EXOC4: variants seen among roughly 807,000 people sequenced by gnomAD.
The protein encoded by EXOC4 is SEC8-like 1.
In EXOC4, 71 loss-of-function variants were observed where a neutral mutation model predicts 107.2. The observed-to-expected ratio is 0.66, with a 90% CI of 0.55 to 0.81. EXOC4 has a LOEUF of 0.81. Ranked by LOEUF, EXOC4 falls within the 30% of genes least tolerant of loss-of-function variation. The pLI is 0.00. For synonymous variants in EXOC4, 456 were observed against 441.2 expected (o/e 1.03, Z -0.42); for missense variants, 1,108 against 1,189.6 (o/e 0.93, Z 1.01).
chr7:133,324,305 G>T (rs1478428012), intron 5 of EXOC4, among the ~76,000 whole-genome samples: 4 of 151,864 alleles, frequency 2.6e-5, no homozygotes, highest in Non-Finnish European at 5.9e-5. Flanking sequence ...GTGTTGTTAG[G>T]GTGTCAATTT....
At chr7:134,084,709 T>TAAAAAAAAAAA in the EXOC4 span, among the ~76,000 whole-genome samples, 3 of 83,182 alleles carry the variant, frequency 3.6e-5, no homozygotes, top group Admixed American at 1.3e-4. Context: ...GGTGCAGCCG[T>TAAAAAAAAAAA]AAAAAAAAAA....
chr7:133,729,445 T>C (rs1204331392), intron 10 of EXOC4, among the ~76,000 whole-genome samples: 1 of 152,112 alleles, frequency 6.6e-6, no homozygotes, highest in African/African-American at 2.4e-5. Context: ...GCAAACTGCT[T>C]TTTGAGGGCA....
At chr7:134,071,624 G>A in the EXOC4 span, among the ~76,000 whole-genome samples, 2 of 152,194 alleles carry the variant, frequency 1.3e-5, no homozygotes, top group African/African-American at 2.4e-5. Flanking sequence ...GTTCTTGGGT[G>A]TATGCCCTTC....
chr7:133,259,867 A>G (rs976557480), intron 1 of EXOC4, among the ~76,000 whole-genome samples: 1 of 152,144 alleles, frequency 6.6e-6, no homozygotes, highest in Non-Finnish European at 1.5e-5. Flanking sequence ...TTTTTGAGGT[A>G]TACATGTATA....
intron 9 of EXOC4, among the ~76,000 whole-genome samples, chr7:133,488,860 T>C (rs1380749875): frequency 6.6e-6 from 1 of 151,218 alleles, no homozygotes; most frequent in Non-Finnish European, 1.5e-5. Context: ...AAGGTAGTCA[T>C]ATAAGAAAAT....
At chr7:133,855,114 A>AAT (rs760294262) in intron 11 of EXOC4, among the ~76,000 whole-genome samples, 38 of 91,490 alleles carry the variant, frequency 4.2e-4, no homozygotes, top group South Asian at 6.0e-4. Context: ...AATATATATA[A>AAT]ATATATATAT....
At chr7:133,670,102 G>A (rs1026769542) in intron 10 of EXOC4, among the ~76,000 whole-genome samples, 2 of 152,146 alleles carry the variant, frequency 1.3e-5, no homozygotes, top group African/African-American at 2.4e-5. Flanking sequence ...CTGCTGTGGC[G>A]AGGGTGTTTC....
intron 7 of EXOC4, among the ~76,000 whole-genome samples, chr7:133,436,172 T>C (rs2150783311): frequency 6.6e-6 from 1 of 152,010 alleles, no homozygotes; most frequent in African/African-American, 2.4e-5. Flanking sequence ...CCATGCAAAC[T>C]AACGATATGA....
intron 4 of EXOC4, among the ~76,000 whole-genome samples, chr7:133,308,505 G>A (rs1394909500): frequency 6.6e-6 from 1 of 152,168 alleles, no homozygotes; most frequent in Non-Finnish European, 1.5e-5. Context: ...CCCACACCTT[G>A]ATCACAGACT....
At chr7:133,451,849 T>C (rs774439912) in intron 7 of EXOC4, among the ~76,000 whole-genome samples, 1 of 152,156 alleles carries the variant, frequency 6.6e-6, no homozygotes, top group African/African-American at 2.4e-5. Flanking sequence ...CTAATTGATA[T>C]GATGGAAAGA....
intron 5 of EXOC4, 103 bp from the exon 6 acceptor site, chr7:133,356,226 CT>C: frequency 8.7e-7 from 1 of 1,150,582 alleles, no homozygotes; most frequent in South Asian, 1.5e-5. Context: ...CTCTTTAATT[CT>C]TTAAGAGAGT....
intron 9 of EXOC4, among the ~76,000 whole-genome samples, chr7:133,500,457 T>C (rs2113565): frequency 0.85 from 129,672 of 152,266 alleles, 55,541 homozygotes; most frequent in East Asian, 0.95. Context: ...TCCGCAGTGT[T>C]GCATTCTTCA....
intron 10 of EXOC4, among the ~76,000 whole-genome samples, chr7:133,640,766 T>C (rs906591358): frequency 6.6e-6 from 1 of 152,248 alleles, no homozygotes; most frequent in African/African-American, 2.4e-5. Flanking sequence ...GCAATTAACA[T>C]GAGTTGCTAC....
chr7:133,379,008 A>C (rs1013708264), intron 7 of EXOC4, among the ~76,000 whole-genome samples: 6 of 152,186 alleles, frequency 3.9e-5, no homozygotes, highest in African/African-American at 7.2e-5. Flanking sequence ...TTACTTTAAA[A>C]ATTTTTAAAT....
chr7:133,564,052 A>T, intron 9 of EXOC4, among the ~76,000 whole-genome samples: 1 of 152,256 alleles, frequency 6.6e-6, no homozygotes, highest in East Asian at 1.9e-4. Flanking sequence ...CTTCATAGAA[A>T]TTTTTTTATT....
chr7:133,544,697 A>ATG (rs1359535767), intron 9 of EXOC4, among the ~76,000 whole-genome samples: 2 of 150,836 alleles, frequency 1.3e-5, no homozygotes, highest in Non-Finnish European at 3.0e-5. Flanking sequence ...ATTTTGTCAA[A>ATG]TGTGATTTTT....
At chr7:133,972,212 G>A (rs1801258208) in intron 14 of EXOC4, among the ~76,000 whole-genome samples, 1 of 152,156 alleles carries the variant, frequency 6.6e-6, no homozygotes, top group Non-Finnish European at 1.5e-5. Flanking sequence ...TAACCTGAGA[G>A]CTACATTACT....
rs1795286294 is a variant in EXOC4, at chr7:133,327,941, G to T, written c.763+10551G>T. Among the ~76,000 whole-genome samples the T allele has an allele frequency of 5.9e-5, 9 of 152,196 alleles. No individual in the cohort carries two copies. In the South Asian group the frequency reaches 1.9e-3, roughly 32 times the overall value. On this transcript the variant is annotated intron_variant, in intron 5 of 17. Transcript: ENST00000253861. Reference sequence around the variant, plus strand: ...GATTTGTGGTGGAGAGTTCTGTAGAGGTCTATTAGGTCTGCTTGTTCCAGA... The same window carrying T: ...GATTTGTGGTGGAGAGTTCTGTAGATGTCTATTAGGTCTGCTTGTTCCAGA...
intron 13 of EXOC4, among the ~76,000 whole-genome samples, chr7:133,937,131 A>C (rs1265013547): frequency 6.6e-6 from 1 of 152,164 alleles, no homozygotes; most frequent in Non-Finnish European, 1.5e-5. Context: ...ATATGATCTC[A>C]GGTCCCTTCC....
Sources: allele counts gnomAD v4.1 joint callset (sites outside exome capture counted in the v4.1 genomes callset), GRCh38; gene constraint gnomAD v4.1.1; transcripts MANE v1.5; gene names NCBI Gene and HGNC (gene_info 2026-07-23, HGNC 2026-07-21).